The following CDK14 variants were observed in gnomAD, a reference collection of about 807,000 sequenced individuals.
The protein encoded by CDK14 is cyclin dependent kinase 14, also known as cyclin-dependent kinase 14.
CDK14 carries 34 observed loss-of-function variants against 60.7 expected under a neutral mutation model. The ratio of observed to expected loss-of-function variants is 0.56; its 90% CI spans 0.43 to 0.75. CDK14 has a LOEUF of 0.75. CDK14 is among the 30% of genes least tolerant of loss of function. CDK14 has a pLI of 0.00. For synonymous variants in CDK14, 197 were observed against 203.7 expected, an observed-to-expected ratio of 0.97 and a Z score of 0.28; for missense variants, 482 against 564.1, an observed-to-expected ratio of 0.85 and a Z score of 1.47.
chr7:90,621,613 T>TTTCC (rs3835010), intron 2 of CDK14, among the ~76,000 whole-genome samples: 4,147 of 128,124 alleles, frequency 0.032, 99 homozygotes, highest in Non-Finnish European at 0.036. Context: ...TCAGACTTTT[T>TTTCC]TTCCTTCCTT....
At position 90,722,407 on chromosome 7, in the gene CDK14, C is replaced by T. The variant is rs181157165; in HGVS notation, c.124-4160C>T. On this transcript the variant is annotated intron_variant, in intron 2 of 14. Coordinates refer to ENST00000380050, the MANE Select transcript of CDK14 (RefSeq NM_001287135.2). ...GTTTTGTAGAGACAGGGTTTTTCCACGTTGCCCAGGTTGGTCTCGAACTCC... is the reference window on the plus strand; with the variant it reads ...GTTTTGTAGAGACAGGGTTTTTCCATGTTGCCCAGGTTGGTCTCGAACTCC... 4.1e-3 allele frequency among the ~76,000 whole-genome samples: 626 copies of T among 152,070 alleles called. 9 individuals are homozygous for T. Among genetic ancestry groups the T allele is most frequent in the African/African-American group, 0.014 (574 of 41,476 alleles).
At chr7:90,868,970 A>G (rs1472362711) in intron 6 of CDK14, among the ~76,000 whole-genome samples, 1 of 152,196 alleles carries the variant, frequency 6.6e-6, no homozygotes, top group Non-Finnish European at 1.5e-5. Context: ...TAAGGTATGT[A>G]TGATGTTAGA....
At chr7:90,934,775 G>A (rs534125226) in intron 8 of CDK14, among the ~76,000 whole-genome samples, 7 of 152,184 alleles carry the variant, frequency 4.6e-5, no homozygotes, top group Non-Finnish European at 7.4e-5. Context: ...AGATGTAGAT[G>A]TATAGATACA....
chr7:90,733,510 G>T (rs1044367479), intron 3 of CDK14, among the ~76,000 whole-genome samples: 4 of 152,152 alleles, frequency 2.6e-5, no homozygotes, highest in African/African-American at 9.7e-5. Context: ...CTCCTGTATT[G>T]GGTGCATATA....
At chr7:91,002,046 G>A (rs569543016) in intron 10 of CDK14, among the ~76,000 whole-genome samples, 2 of 152,258 alleles carry the variant, frequency 1.3e-5, no homozygotes, top group African/African-American at 2.4e-5. Context: ...CTGTAGTCCC[G>A]TCTATTTGTA....
At chr7:90,780,124 A>G (rs1362682129) in intron 4 of CDK14, among the ~76,000 whole-genome samples, 1 of 152,188 alleles carries the variant, frequency 6.6e-6, no homozygotes, top group Non-Finnish European at 1.5e-5. Context: ...CTAACTGTTG[A>G]TAATCTACTA....
chr7:91,030,369 A>G (rs1364430365), intron 10 of CDK14, among the ~76,000 whole-genome samples: 2 of 152,142 alleles, frequency 1.3e-5, no homozygotes, highest in Non-Finnish European at 2.9e-5. Context: ...CTTTCAGTAT[A>G]CAGGCTCTGA....
At chr7:90,883,909 A>C (rs1425737251) in intron 6 of CDK14, among the ~76,000 whole-genome samples, 2 of 152,208 alleles carry the variant, frequency 1.3e-5, no homozygotes, top group Non-Finnish European at 2.9e-5. Context: ...TAAAACTCTC[A>C]ATAGACTAGA....
chr7:91,185,191 A>G (rs575166141), intron 14 of CDK14, among the ~76,000 whole-genome samples: 1 of 150,142 alleles, frequency 6.7e-6, no homozygotes, highest in East Asian at 2.0e-4. Flanking sequence ...GTTCAGAGAG[A>G]GTAAACAATG....
chr7:90,653,062 C>T (rs1800677805), intron 2 of CDK14, among the ~76,000 whole-genome samples: 1 of 152,072 alleles, frequency 6.6e-6, no homozygotes, highest in Non-Finnish European at 1.5e-5. Context: ...CAGGTTTGAC[C>T]AATGTGAAGA....
intron 4 of CDK14, among the ~76,000 whole-genome samples, chr7:90,751,729 A>G (rs1395441826): frequency 6.6e-6 from 1 of 152,176 alleles, no homozygotes; most frequent in African/African-American, 2.4e-5. Flanking sequence ...TAGAATTGTA[A>G]GTTGGATTAA....
chr7:90,644,887 T>A (rs1800425937), intron 2 of CDK14, among the ~76,000 whole-genome samples: 1 of 152,242 alleles, frequency 6.6e-6, no homozygotes, highest in Non-Finnish European at 1.5e-5. Context: ...ACATATATGT[T>A]ACTTCAAGAA....
chr7:90,781,869 C>A, intron 4 of CDK14, among the ~76,000 whole-genome samples: 1 of 152,138 alleles, frequency 6.6e-6, no homozygotes, highest in Non-Finnish European at 1.5e-5. Flanking sequence ...CAGCTTTGTT[C>A]TTTTGTCTTA....
chr7:91,117,135 TC>T (rs1799631738), intron 13 of CDK14, among the ~76,000 whole-genome samples: 1 of 148,194 alleles, frequency 6.7e-6, no homozygotes, highest in African/African-American at 2.5e-5. Context: ...ATCTTTCCCC[TC>T]AAACTTGCGC....
At chr7:90,966,545 C>T (rs762128317) in intron 9 of CDK14, among the ~76,000 whole-genome samples, 5 of 152,144 alleles carry the variant, frequency 3.3e-5, no homozygotes, top group African/African-American at 4.8e-5. Flanking sequence ...TCACATAGAT[C>T]AGTAAACATG....
chr7:90,797,095 C>T (rs1308928025), intron 5 of CDK14, among the ~76,000 whole-genome samples: 1 of 151,708 alleles, frequency 6.6e-6, no homozygotes, highest in Non-Finnish European at 1.5e-5. Context: ...CATCCATGTA[C>T]AGTATAAGAT....
chr7:90,999,730 G>A (rs571077887), intron 10 of CDK14, among the ~76,000 whole-genome samples: 1 of 152,328 alleles, frequency 6.6e-6, no homozygotes, highest in African/African-American at 2.4e-5. Context: ...GAGCAGAGCT[G>A]TGTCAACATT....
chr7:90,855,530 A>G (rs1490354556), intron 5 of CDK14, among the ~76,000 whole-genome samples: 1 of 152,206 alleles, frequency 6.6e-6, no homozygotes, highest in African/African-American at 2.4e-5. Flanking sequence ...AATTATTTCT[A>G]TATCTCTTCT....
At chr7:90,881,463 G>A (rs1351701741) in intron 6 of CDK14, among the ~76,000 whole-genome samples, 2 of 152,078 alleles carry the variant, frequency 1.3e-5, no homozygotes, top group African/African-American at 2.4e-5. Context: ...ATAATTGATC[G>A]GAGTGCCAGA....
Sources: gnomAD v4.1 joint callset for allele counts (sites outside exome capture counted in the v4.1 genomes callset) on GRCh38, gnomAD v4.1.1 for gene constraint, MANE v1.5 for transcripts, NCBI Gene and HGNC (gene_info 2026-07-23, HGNC 2026-07-21) for gene names.